DMD: variants seen among roughly 807,000 people sequenced by gnomAD.
The protein encoded by DMD is mutant dystrophin.
A neutral mutation model predicts 330.1 loss-of-function variants in DMD; 63 were observed. That is an observed-to-expected ratio of 0.19 (90% CI 0.16 to 0.24). The LOEUF (loss-of-function observed/expected upper bound fraction) is 0.24. DMD is among the 10% of genes least tolerant of loss of function. The pLI is 1.00. For synonymous variants in DMD, 1,223 were observed against 959.8 expected (o/e 1.27, Z -5.07); for missense variants, 3,344 against 2,684.1 (o/e 1.25, Z -5.43).
chrX:31,888,141 T>C (rs2094182602), intron 47 of DMD, among the ~76,000 whole-genome samples: 1 of 111,359 alleles, frequency 9.0e-6, no homozygotes, highest in Admixed American at 9.6e-5. Context: ...CTCTTGAGGG[T>C]CAGTCAAGAG....
intron 53 of DMD, among the ~76,000 whole-genome samples, chrX:31,676,034 T>C (rs903684290): frequency 8.9e-6 from 1 of 111,850 alleles, no homozygotes; most frequent in African/African-American, 3.2e-5. Flanking sequence ...GTTTGAAACA[T>C]TTCATTGTTG....
chrX:32,218,469 T>C (rs903136428), intron 43 of DMD, among the ~76,000 whole-genome samples: 2 of 111,913 alleles, frequency 1.8e-5, no homozygotes, highest in Admixed American at 1.9e-4. Context: ...GTCAAGCTTT[T>C]CTGAACTCTA....
chrX:33,046,293 T>C (rs1369226532), intron 1 of DMD, among the ~76,000 whole-genome samples: 3 of 111,708 alleles, frequency 2.7e-5, no homozygotes, highest in Non-Finnish European at 5.6e-5. Context: ...AATTTAGCTA[T>C]AGAAAAATTA....
intron 9 of DMD, among the ~76,000 whole-genome samples, chrX:32,677,970 G>T (rs2062088222): frequency 8.9e-6 from 1 of 111,878 alleles, no homozygotes; most frequent in Non-Finnish European, 1.9e-5. Context: ...GATGAACCTT[G>T]AAGGTATATT....
chrX:32,591,068 G>A (rs768423585), intron 13 of DMD, among the ~76,000 whole-genome samples: 1 of 110,728 alleles, frequency 9.0e-6, no homozygotes, highest in Non-Finnish European at 1.9e-5. Context: ...ATGTTGCCCA[G>A]GCTAATCTTT....
rs1394206261 is a variant in DMD at position 32,342,089 on chromosome X, T to G, written c.5922+11A>C. ...GCAAACACATACGTGGGTTTGCCAG[T>G]AACAACTCACAATTTGTGCAAAGTT... On this transcript the variant is annotated intron_variant, in intron 41 of 78. Coordinates refer to ENST00000357033, the MANE Select transcript of DMD (RefSeq NM_004006.3). The G allele has an allele frequency of 1.7e-6, 2 of 1,205,264 alleles. No homozygotes were observed. The highest frequency in any genetic ancestry group is 3.0e-5 in the East Asian group (1 of 33,583).
chrX:32,534,607 A>T (rs180785313), intron 17 of DMD, among the ~76,000 whole-genome samples: 3 of 111,402 alleles, frequency 2.7e-5, no homozygotes, highest in Non-Finnish European at 5.6e-5. Flanking sequence ...ACTCAGTTGC[A>T]GGTATTTCTT....
chrX:31,820,047 C>T lies in DMD; in HGVS notation c.7237G>A (p.Val2413Ile), dbSNP rs373604575. The change falls in exon 50 of 79, where the codon GTA becomes ATA. Residue 2413 changes from valine (V) to isoleucine (I), a missense_variant. By Grantham distance (29) the Val-to-Ile change is conservative (BLOSUM62 3). Coordinates refer to ENST00000357033, the MANE Select transcript of DMD (RefSeq NM_004006.3). ...CTCAGCTCTTGAAGTAAACGGTTTA[C>T]CGCCTTCCACTCAGAGCTCAGATCT... ...LEDLSSEWKA[V>I]NRLLQELRAK... The T allele has an allele frequency of 1.7e-6, 2 of 1,211,472 alleles. No homozygotes were observed.
chrX:32,434,936 A>T (rs1051388530), intron 29 of DMD, among the ~76,000 whole-genome samples: 1 of 110,850 alleles, frequency 9.0e-6, no homozygotes, highest in Admixed American at 9.7e-5. Context: ...TTCATTGTCA[A>T]ATAACTCCCA....
intron 2 of DMD, among the ~76,000 whole-genome samples, chrX:32,851,802 C>G (rs1039377350): frequency 9.0e-6 from 1 of 111,721 alleles, no homozygotes; most frequent in African/African-American, 3.3e-5. Context: ...TGCCCTGTCA[C>G]AGTGGGAAGC....
chrX:32,468,963 A>G (rs181690822), intron 22 of DMD, among the ~76,000 whole-genome samples: 2 of 110,915 alleles, frequency 1.8e-5, no homozygotes, highest in Admixed American at 9.7e-5. Context: ...TCTCAAAACT[A>G]TATCTTACAG....
chrX:32,050,605 A>T (rs2096102930), intron 44 of DMD, among the ~76,000 whole-genome samples: 3 of 111,603 alleles, frequency 2.7e-5, no homozygotes, highest in Admixed American at 1.9e-4. Flanking sequence ...AAGGATAGAA[A>T]TTGTTGATTG....
chrX:32,647,077 A>C (rs1210844075), intron 9 of DMD, among the ~76,000 whole-genome samples: 1 of 111,612 alleles, frequency 9.0e-6, no homozygotes, highest in Non-Finnish European at 1.9e-5. Context: ...AGATGTGCGC[A>C]GGTGGAACCA....
chrX:32,199,543 GGGGTGT>G (rs1376718441), intron 44 of DMD, among the ~76,000 whole-genome samples: 5 of 12,268 alleles, frequency 4.1e-4, no homozygotes, highest in Non-Finnish European at 1.2e-3. Flanking sequence ...GGAAGGGGGA[GGGGTGT>G]GAAGGGGGAG....
intron 43 of DMD, among the ~76,000 whole-genome samples, chrX:32,232,638 A>G (rs1043414574): frequency 2.7e-5 from 3 of 112,159 alleles, no homozygotes; most frequent in Admixed American, 9.5e-5. Flanking sequence ...GCTATTTTAT[A>G]TTCTATCTTA....
chrX:32,056,272 T>A (rs2096172481), intron 44 of DMD, among the ~76,000 whole-genome samples: 1 of 107,609 alleles, frequency 9.3e-6, no homozygotes, highest in South Asian at 4.0e-4. Flanking sequence ...GAAGGAAATA[T>A]TAAGATTAGA....
intron 61 of DMD, 33 bp downstream of exon 61, chrX:31,348,523 A>G: frequency 8.7e-7 from 1 of 1,148,411 alleles, no homozygotes. Context: ...AAGATGCAAT[A>G]AAGTTAAGTG....
chrX:32,765,775 A>C (rs2072908921), intron 7 of DMD, among the ~76,000 whole-genome samples: 1 of 111,721 alleles, frequency 9.0e-6, no homozygotes, highest in Non-Finnish European at 1.9e-5. Context: ...CAAGATATTT[A>C]ATTGCCCAAT....
At position 31,942,044 on chromosome X, in the gene DMD, C is replaced by G. The variant is rs151318631; in HGVS notation, c.6615-9817G>C. Among the ~76,000 whole-genome samples the G allele has an allele frequency of 2.7e-5, 3 of 111,573 alleles. No homozygotes were observed. The East Asian group carries it at 8.5e-4, about 32-fold the overall frequency. ...GATTCGTGTTCTTTTAAATATATAC[C>G]AAGTAATGAGATTGCTGGGTTGAAT... is the stretch of plus-strand genomic sequence containing the variant. On this transcript the variant is annotated intron_variant, in intron 45 of 78. Transcript: ENST00000357033.
Sources: gnomAD v4.1 joint callset for allele counts (sites outside exome capture counted in the v4.1 genomes callset) on GRCh38, gnomAD v4.1.1 for gene constraint, MANE v1.5 for transcripts, NCBI Gene and HGNC (gene_info 2026-07-23, HGNC 2026-07-21) for gene names.